TPD52L3: variants seen among roughly 807,000 people sequenced by gnomAD.
The protein encoded by TPD52L3 is tumor protein D55.
In TPD52L3, 12 loss-of-function variants were observed where a neutral mutation model predicts 8.7. The ratio of observed to expected loss-of-function variants is 1.38; its 90% CI spans 0.89 to 2.24. TPD52L3 has a LOEUF of 2.24. Among genes scored for constraint, TPD52L3 ranks in the 30% most tolerant of loss-of-function variants. TPD52L3 has a pLI of 0.00. For missense variants in TPD52L3, 207 were observed against 158.7 expected (o/e 1.30, Z -1.64); for synonymous variants, 79 against 66.8 (o/e 1.18, Z -0.89).
chr9:6,329,011 G>C lies in TPD52L3; in HGVS notation c.367+49G>C, dbSNP rs754720492. ...AAAGTCTCAGGGGGCAAAAGAGCTTGGCCCTGACTGTCTTTCTTCTGCGGA... is the reference window on the plus strand; with the variant it reads ...AAAGTCTCAGGGGGCAAAAGAGCTTCGCCCTGACTGTCTTTCTTCTGCGGA... On this transcript the variant is annotated intron_variant, in intron 1 of 1. Transcript: ENST00000314556. The C allele has an allele frequency of 9.0e-5, 140 of 1,563,298 alleles. No individual in the cohort carries two copies. Among genetic ancestry groups the C allele is most frequent in the Non-Finnish European group, 1.2e-4 (132 of 1,138,576 alleles).
rs1818149271 is a variant in TPD52L3, at chr9:6,331,488, T to TGTTACGTGA, written c.*474_*475insGTGAGTTAC. The TGTTACGTGA allele has an allele frequency of 6.5e-6, 1 of 152,750 alleles. No homozygotes were observed. The highest frequency in any genetic ancestry group is 6.5e-5 in the Admixed American group (1 of 15,296). 9.5% of individuals were successfully genotyped at this position (152,750 alleles called of 1,614,324 possible). ...GTGGCTAGAGAGGAAGGGGAAATGG[T>TGTTACGTGA]GTTACATGAGTGAGGGAGGGGAAAT... On this transcript the variant is annotated 3_prime_UTR_variant, in exon 2 of 2. Coordinates refer to ENST00000314556, the MANE Select transcript of TPD52L3 (RefSeq NM_001001874.3).
chr9:6,330,876 T>C (rs900890101), intron 1 of TPD52L3, 100 bp from the exon 2 acceptor site: 7 of 1,545,134 alleles, frequency 4.5e-6, no homozygotes, highest in Non-Finnish European at 6.1e-6. Flanking sequence ...TAATAATTTC[T>C]ACAACAGTAG....
intron 1 of TPD52L3, chr9:6,329,684 T>A: frequency 1.0e-6 from 1 of 1,001,816 alleles, no homozygotes; most frequent in Non-Finnish European, 1.2e-6. Context: ...TCAAGAAAAC[T>A]TCATCTTCTC....
intron 1 of TPD52L3, chr9:6,329,886 T>G (rs1818112297): frequency 2.5e-6 from 3 of 1,224,418 alleles, no homozygotes; most frequent in Admixed American, 4.2e-5. Flanking sequence ...TATAATTTCT[T>G]TATATATCAA....
intron 1 of TPD52L3, 127 bp downstream of exon 1, chr9:6,329,089 A>G: frequency 6.4e-7 from 1 of 1,552,056 alleles, no homozygotes; most frequent in Non-Finnish European, 8.7e-7. Flanking sequence ...CCCACTCCAG[A>G]TTCCGGGGAG....
At chr9:6,329,149 T>C (rs1818091558) in intron 1 of TPD52L3, 187 bp downstream of exon 1, 2 of 1,473,388 alleles carry the variant, frequency 1.4e-6, no homozygotes, top group South Asian at 1.4e-5. Flanking sequence ...CCATCTCCAC[T>C]TTCTGGAACC....
In TPD52L3 at chr9:6,328,766, T is replaced by C. The variant is rs1452605873; in HGVS notation, c.171T>C (p.Cys57=). The C allele has an allele frequency of 2.5e-6, 4 of 1,613,984 alleles. No homozygotes were observed. The highest frequency in any genetic ancestry group is 3.4e-6 in the Non-Finnish European group (4 of 1,180,036). ...RHVLAAKERR[C]GELKRKLGLT... ...TACTAGCAGCCAAAGAGAGACGCTG[T>C]GGGGAACTCAAGAGGAAGTTAGGCC... The change falls in exon 1 of 2, where the codon TGT becomes TGC. Residue 57 remains cysteine, a synonymous_variant. Coordinates refer to ENST00000314556, the MANE Select transcript of TPD52L3 (RefSeq NM_001001874.3).
intron 1 of TPD52L3, 120 bp from the exon 2 acceptor site, chr9:6,330,856 A>G (rs746800163): frequency 3.3e-5 from 49 of 1,484,102 alleles, no homozygotes; most frequent in Non-Finnish European, 4.0e-5. Context: ...GAGAGATGTT[A>G]TATTTTATTT....
In TPD52L3 at chr9:6,328,905, C is replaced by G. The variant is rs777267286; in HGVS notation, c.310C>G (p.Leu104Val). 1.9e-6 allele frequency: 3 copies of G among 1,614,094 alleles called. No individual in the cohort carries two copies. The highest frequency in any genetic ancestry group is 3.3e-5 in the Admixed American group (2 of 60,008). The change falls in exon 1 of 2, where the codon CTC (leucine) becomes GTC (valine). Residue 104 changes from leucine to valine, a missense_variant. Coordinates refer to ENST00000314556, the MANE Select transcript of TPD52L3 (RefSeq NM_001001874.3). Reference sequence around the variant, plus strand: ...AGCTGCTCTGTCCACCATGGGCACTCTCATCTGCAGGAAGCTTGGAGGCGT... The same window carrying G: ...AGCTGCTCTGTCCACCATGGGCACTGTCATCTGCAGGAAGCTTGGAGGCGT... ...TSAALSTMGT[L>V]ICRKLGGVKK... is the part of the protein sequence containing the mutation.
At chr9:6,330,733 G>A in intron 1 of TPD52L3, 6 of 1,277,568 alleles carry the variant, frequency 4.7e-6, no homozygotes, top group Non-Finnish European at 6.0e-6. Context: ...GAGAACAAGA[G>A]GTGAGCCTGC....
chr9:6,330,588 G>A, intron 1 of TPD52L3: 1 of 1,163,032 alleles, frequency 8.6e-7, no homozygotes. Flanking sequence ...AAACTGTAAA[G>A]TTACTCATGT....
intron 1 of TPD52L3, chr9:6,329,459 G>A (rs571679231): frequency 2.0e-5 from 21 of 1,028,456 alleles, no homozygotes; most frequent in Non-Finnish European, 2.5e-5. Context: ...GGCTCCAGAG[G>A]GGTCTTAGGC....
chr9:6,329,066 G>C (rs968667774), intron 1 of TPD52L3, 104 bp downstream of exon 1: 2 of 1,584,230 alleles, frequency 1.3e-6, no homozygotes, highest in Non-Finnish European at 1.7e-6. Context: ...TCAGTTTTGG[G>C]GTGTGGGGAA....
chr9:6,330,335 T>C (rs781127442), intron 1 of TPD52L3: 31 of 1,506,610 alleles, frequency 2.1e-5, no homozygotes, highest in Admixed American at 1.1e-4. Flanking sequence ...AATGCCAAGA[T>C]CTGGGAGCCT....
chr9:6,329,351 C>A (rs1029384185), intron 1 of TPD52L3: 2 of 1,102,406 alleles, frequency 1.8e-6, no homozygotes, highest in South Asian at 6.9e-5. Flanking sequence ...AGATAGAGAA[C>A]CCAAAGTTTT....
At chr9:6,330,843 C>A (rs1347670833) in intron 1 of TPD52L3, 133 bp from the exon 2 acceptor site, 3 of 1,455,886 alleles carry the variant, frequency 2.1e-6, no homozygotes, top group Admixed American at 2.6e-5. Flanking sequence ...ATGGGCCAAA[C>A]CTGAGAGATG....
chr9:6,331,012 G>A lies in TPD52L3; in HGVS notation c.404G>A (p.Arg135Lys). 1.2e-6 allele frequency: 2 copies of A among 1,611,938 alleles called. No individual in the cohort carries two copies. Among genetic ancestry groups the A allele is most frequent in the Non-Finnish European group, 1.7e-6 (2 of 1,178,836 alleles). The change falls in exon 2 of 2, where the codon AGG (arginine) becomes AAG (lysine). Residue 135 changes from arginine (R) to lysine (K), a missense_variant. Physicochemically the swap from Arg to Lys is conservative, Grantham distance 26. Coordinates refer to ENST00000314556, the MANE Select transcript of TPD52L3 (RefSeq NM_001001874.3). The stretch of plus-strand genomic sequence containing the variant: ...AATAAATACACGTTAAATCAAGGAA[G>A]GAATTAACATCATATACTTCAGACA... ...IFNKYTLNQGRN is the reference protein window; with the variant it reads ...IFNKYTLNQGKN
At chr9:6,329,777 T>A in intron 1 of TPD52L3, 1 of 1,021,752 alleles carries the variant, frequency 9.8e-7, no homozygotes, top group Non-Finnish European at 1.2e-6. Context: ...ACTCGTTTGT[T>A]TTCAAAGGTC....
Position 6,331,149 on chromosome 9 carries a change from T to A in TPD52L3, c.*130T>A. 1 of 905,598 alleles carries A rather than the reference T, an allele frequency of 1.1e-6. No individual in the cohort carries two copies. Among genetic ancestry groups the A allele is most frequent in the African/African-American group, 1.7e-5 (1 of 60,058 alleles). The allele number at this position is 905,598 out of a possible 1,614,324, so 56.1% of individuals were successfully genotyped here. A position where few individuals can be genotyped will look rare whatever the true frequency, so the allele number is the denominator to read the frequency against. On this transcript the variant is annotated 3_prime_UTR_variant, in exon 2 of 2. Coordinates refer to ENST00000314556, the MANE Select transcript of TPD52L3 (RefSeq NM_001001874.3). ...AAAGCCAATCTGAGACCCTACTCTG[T>A]ATCAAGAACTGTCCCAGGTTCTGAA... is the stretch of plus-strand genomic sequence containing the variant.
Sources: allele counts gnomAD v4.1 joint callset, GRCh38; gene constraint gnomAD v4.1.1; transcripts MANE v1.5; gene names NCBI Gene and HGNC (gene_info 2026-07-23, HGNC 2026-07-21).